The following POM121C variants were observed in gnomAD, a reference collection of about 807,000 sequenced individuals.
POM121C encodes the protein POM121 transmembrane nucleoporin C.
In POM121C, 20 loss-of-function variants were observed where a neutral mutation model predicts 66.4. The observed-to-expected ratio is 0.30, with a 90% CI of 0.21 to 0.44. The LOEUF (loss-of-function observed/expected upper bound fraction) is 0.44, where lower values mean the gene tolerates loss of function less well. Among genes scored for constraint, POM121C ranks in the 20% least tolerant of loss-of-function variants. The pLI, the probability that POM121C is intolerant of heterozygous loss-of-function variation, is 1.00. For synonymous variants in POM121C, 286 were observed against 528.0 expected (o/e 0.54, Z 6.28); for missense variants, 580 against 1,225.7 (o/e 0.47, Z 7.87).
chr7:75,436,673 G>A (rs1790426096), intron 7 of POM121C, among the ~76,000 whole-genome samples: 2 of 152,058 alleles, frequency 1.3e-5, no homozygotes, highest in Admixed American at 6.6e-5. Context: ...ACTGTAATAG[G>A]TGCTTTTTAA....
chr7:75,441,121 A>C lies in POM121C; in HGVS notation c.66-6T>G. 1 of 1,612,340 alleles carries C rather than the reference A, an allele frequency of 6.2e-7. No individual in the cohort carries two copies. The highest frequency in any genetic ancestry group is 8.5e-7 in the Non-Finnish European group (1 of 1,179,352). On this transcript the variant is annotated splice_polypyrimidine_tract_variant and splice_region_variant and intron_variant, in intron 4 of 14. Transcript: ENST00000615331. Reference sequence around the variant, plus strand: ...AGCTGATTATCTGCTCTGGTCTATAATGAAAGACAAGATTCTAGCCGTAAG... The same window carrying C: ...AGCTGATTATCTGCTCTGGTCTATACTGAAAGACAAGATTCTAGCCGTAAG...
At chr7:75,477,840 T>C (rs1267712189) in intron 1 of POM121C, among the ~76,000 whole-genome samples, 4 of 151,834 alleles carry the variant, frequency 2.6e-5, no homozygotes, top group Admixed American at 2.0e-4. Context: ...GTGTGATAAA[T>C]TAACAAGTAC....
Position 75,424,040 on chromosome 7 carries a change from C to A in POM121C, c.1048+9G>T, listed in dbSNP as rs1554471323. ...AGAAGGCTGGATCCACGGCCCCACT[C>A]CAGCTCACCTGGGCAGGGTGGCAGG... On this transcript the variant is annotated intron_variant, in intron 12 of 14. Transcript: ENST00000615331. 9 of 1,610,962 alleles carry A rather than the reference C, an allele frequency of 5.6e-6. No individual in the cohort carries two copies. Among genetic ancestry groups the A allele is most frequent in the Non-Finnish European group, 7.6e-6 (9 of 1,179,160 alleles).
chr7:75,428,962 A>AG (rs1406782617), intron 7 of POM121C, among the ~76,000 whole-genome samples: 2,467 of 152,248 alleles, frequency 0.016, 32 homozygotes, highest in Non-Finnish European at 0.027. Context: ...AAAAAAAAAA[A>AG]AAAAAGCCAA....
intron 7 of POM121C, among the ~76,000 whole-genome samples, chr7:75,428,600 T>G (rs1458901998): frequency 6.6e-6 from 1 of 151,964 alleles, no homozygotes; most frequent in Non-Finnish European, 1.5e-5. Context: ...GTAATAAAAT[T>G]AAAACAAAAC....
intron 7 of POM121C, among the ~76,000 whole-genome samples, chr7:75,435,591 T>C (rs1340659643): frequency 6.6e-6 from 1 of 152,208 alleles, no homozygotes; most frequent in African/African-American, 2.4e-5. Context: ...GTATATAAAG[T>C]TGGTGTACCC....
intron 3 of POM121C, among the ~76,000 whole-genome samples, chr7:75,473,689 T>G (rs140274866): frequency 0.021 from 3,203 of 150,484 alleles, 44 homozygotes; most frequent in African/African-American, 0.045. Flanking sequence ...TTTGTTTGTT[T>G]GTTTTTTTGT....
At chr7:75,474,122 A>C (rs1306752522) in intron 3 of POM121C, among the ~76,000 whole-genome samples, 1 of 152,130 alleles carries the variant, frequency 6.6e-6, no homozygotes, top group Non-Finnish European at 1.5e-5. Flanking sequence ...GGCCGGGAGC[A>C]GTGGCTCAGG....
chr7:75,447,116 A>G (rs1300897370), intron 3 of POM121C, among the ~76,000 whole-genome samples: 1 of 147,240 alleles, frequency 6.8e-6, no homozygotes, highest in Non-Finnish European at 1.5e-5. Flanking sequence ...AATAAGCAAG[A>G]AAACACAGCC....
intron 3 of POM121C, among the ~76,000 whole-genome samples, chr7:75,456,682 A>T (rs1230999246): frequency 6.6e-6 from 1 of 152,302 alleles, no homozygotes; most frequent in African/African-American, 2.4e-5. Flanking sequence ...AATGGGTAGG[A>T]TGTTTCATCA....
At chr7:75,438,308 T>A (rs1554473295) in intron 6 of POM121C, among the ~76,000 whole-genome samples, 1 of 152,158 alleles carries the variant, frequency 6.6e-6, no homozygotes, top group Non-Finnish European at 1.5e-5. Context: ...TCCTCTAACT[T>A]TCACCCACGG....
rs782270994 is a variant in POM121C, at chr7:75,441,424, A to G, written c.65+8T>C. On this transcript the variant is annotated splice_region_variant and intron_variant, in intron 4 of 14. Transcript: ENST00000615331. ...AAGGGAGAGTATTCTTCCAACGATA[A>G]TACTCACATCGCAGAACGTGAAAAT... 1 of 1,613,842 alleles carries G rather than the reference A, an allele frequency of 6.2e-7. No homozygotes were observed. Among genetic ancestry groups the G allele is most frequent in the South Asian group, 1.1e-5 (1 of 91,066 alleles).
chr7:75,476,455 T>A (rs1274823264), intron 1 of POM121C, among the ~76,000 whole-genome samples: 1 of 152,050 alleles, frequency 6.6e-6, no homozygotes, highest in African/African-American at 2.4e-5. Context: ...ATCCTGTTAT[T>A]TATAAAGAAC....
At chr7:75,483,548 G>A (rs1437178189) in intron 1 of POM121C, among the ~76,000 whole-genome samples, 1 of 152,126 alleles carries the variant, frequency 6.6e-6, no homozygotes, top group Non-Finnish European at 1.5e-5. Context: ...GCCTGCAGAC[G>A]TGAGCCAATT....
chr7:75,452,957 G>T (rs149130632), intron 3 of POM121C, among the ~76,000 whole-genome samples: 10,933 of 152,162 alleles, frequency 0.072, 497 homozygotes, highest in Non-Finnish European at 0.1. Context: ...GGAGAGGAAC[G>T]GATCAAGCTA....
At chr7:75,463,343 C>CA (rs1791511401) in intron 3 of POM121C, among the ~76,000 whole-genome samples, 1 of 150,800 alleles carries the variant, frequency 6.6e-6, no homozygotes, top group South Asian at 2.1e-4. Flanking sequence ...GACTCCACCT[C>CA]AAAAAAATAA....
chr7:75,436,471 AAAT>A (rs1232911401), intron 7 of POM121C, among the ~76,000 whole-genome samples: 2 of 152,348 alleles, frequency 1.3e-5, no homozygotes, highest in African/African-American at 2.4e-5. Context: ...ACTAGATATT[AAAT>A]AATATTAAGG....
chr7:75,474,887 A>T lies in POM121C; in HGVS notation c.-330-5T>A. On this transcript the variant is annotated splice_region_variant and splice_polypyrimidine_tract_variant and intron_variant, in intron 2 of 14. Transcript: ENST00000615331. The stretch of plus-strand genomic sequence containing the variant: ...AAGATGTTGCCACCTCATAAGCTGC[A>T]TAACAGAAATGCTCCATTTTTTACC... The T allele has an allele frequency of 1.8e-6, 2 of 1,098,364 alleles. No homozygotes were observed. The highest frequency in any genetic ancestry group is 2.7e-6 in the Non-Finnish European group (2 of 738,626). 68.0% of individuals were successfully genotyped at this position (1,098,364 alleles called of 1,614,324 possible).
At position 75,455,950 on chromosome 7, in the gene POM121C, C is replaced by T. The variant is rs587740747; in HGVS notation, c.-151-14303G>A. Among the ~76,000 whole-genome samples, 638 of 152,240 alleles carry T rather than the reference C, an allele frequency of 4.2e-3. 11 individuals are homozygous for T. Among genetic ancestry groups the T allele is most frequent in the Non-Finnish European group, 2.7e-3 (184 of 68,016 alleles). The stretch of plus-strand genomic sequence containing the variant: ...AGTACTGCATGAGGAAAAACTTCAT[C>T]CAGGCCAGGCGCAGTGGCTCATGCC... On this transcript the variant is annotated intron_variant, in intron 3 of 14. Coordinates refer to ENST00000615331, the MANE Select transcript of POM121C (RefSeq NM_001099415.3).
Sources: gnomAD v4.1 joint callset for allele counts (sites outside exome capture counted in the v4.1 genomes callset) on GRCh38, gnomAD v4.1.1 for gene constraint, MANE v1.5 for transcripts, NCBI Gene and HGNC (gene_info 2026-07-23, HGNC 2026-07-21) for gene names.